The following B4GALT6 variants were observed in gnomAD, a reference collection of about 807,000 sequenced individuals.
The protein encoded by B4GALT6 is UDP-Gal:beta-GlcNAc beta-1,4-galactosyltransferase 6.
B4GALT6 carries 14 observed loss-of-function variants against 46.3 expected under a neutral mutation model. The ratio of observed to expected loss-of-function variants is 0.30; its 90% CI spans 0.20 to 0.47. The LOEUF is 0.47. Ranked by LOEUF, B4GALT6 falls within the 20% of genes least tolerant of loss-of-function variation. The pLI, the probability that B4GALT6 is intolerant of heterozygous loss-of-function variation, is 0.99. For synonymous variants in B4GALT6, 168 were observed against 162.0 expected, an observed-to-expected ratio of 1.04 and a Z score of -0.28; for missense variants, 386 against 480.1, an observed-to-expected ratio of 0.80 and a Z score of 1.83.
rs776811806 is a variant in B4GALT6, at chr18:31,627,088, A to G, written c.810T>C (p.Ser270=). The change falls in exon 7 of 9, where the codon AGT becomes AGC. Residue 270 remains serine, a synonymous_variant. Transcript: ENST00000306851. ...LPYKEFFGGV[S]GLTVEQFRKI... ...TTCTAAATTGTTCCACTGTCAGCCC[A>G]CTTACACCACCAAAAAATTCTTTAT... The G allele has an allele frequency of 6.8e-6, 11 of 1,608,582 alleles. No individual in the cohort carries two copies. The highest frequency in any genetic ancestry group is 9.3e-6 in the Non-Finnish European group (11 of 1,177,912).
intron 3 of B4GALT6, among the ~76,000 whole-genome samples, chr18:31,653,879 G>A (rs1007116224): frequency 6.6e-6 from 1 of 151,890 alleles, no homozygotes; most frequent in African/African-American, 2.4e-5. Flanking sequence ...CACAGCGGCT[G>A]TTCATCAATG....
intron 3 of B4GALT6, among the ~76,000 whole-genome samples, chr18:31,646,853 TAA>T (rs2073996945): frequency 6.6e-6 from 1 of 152,226 alleles, no homozygotes; most frequent in Non-Finnish European, 1.5e-5. Flanking sequence ...CTTCCCAGAA[TAA>T]GTTAGAAAAA....
the B4GALT6 span, among the ~76,000 whole-genome samples, chr18:31,694,186 T>C: frequency 6.6e-6 from 1 of 152,212 alleles, no homozygotes; most frequent in East Asian, 1.9e-4. Flanking sequence ...CAATTATGTT[T>C]CCAATATTCT....
the B4GALT6 span, among the ~76,000 whole-genome samples, chr18:31,698,411 C>G: frequency 3.2e-4 from 49 of 152,110 alleles, no homozygotes; most frequent in Middle Eastern, 6.8e-3. Flanking sequence ...AGGCAGATCA[C>G]TTGAGGTCAG....
At chr18:31,707,370 A>C in the B4GALT6 span, among the ~76,000 whole-genome samples, 2 of 152,010 alleles carry the variant, frequency 1.3e-5, no homozygotes, top group African/African-American at 4.8e-5. Context: ...CCTGTGACCC[A>C]AACAGTGTAT....
At chr18:31,678,115 G>A (rs997733026) in intron 1 of B4GALT6, among the ~76,000 whole-genome samples, 4 of 152,112 alleles carry the variant, frequency 2.6e-5, no homozygotes, top group Non-Finnish European at 4.4e-5. Flanking sequence ...AGGGTGCTGC[G>A]GAGTCTAAGC....
the B4GALT6 span, among the ~76,000 whole-genome samples, chr18:31,720,882 G>A: frequency 6.6e-6 from 1 of 152,186 alleles, no homozygotes; most frequent in Non-Finnish European, 1.5e-5. Flanking sequence ...TTTGGAGACC[G>A]TAGGCACATC....
chr18:31,695,830 G>C, the B4GALT6 span, among the ~76,000 whole-genome samples: 20 of 152,326 alleles, frequency 1.3e-4, no homozygotes, highest in African/African-American at 4.8e-4. Context: ...TTGTAATCCA[G>C]CTGCTCCTCA....
At position 31,684,330 on chromosome 18, in the gene B4GALT6, A is replaced by C; in HGVS notation, c.97T>G (p.Tyr33Asp). 1.2e-6 allele frequency: 2 copies of C among 1,613,698 alleles called. No homozygotes were observed. The highest frequency in any genetic ancestry group is 1.7e-6 in the Non-Finnish European group (2 of 1,179,812). Residue 33 changes from tyrosine to aspartate, a missense_variant, in exon 1 of 9, where the codon TAT (tyrosine) becomes GAT (aspartate). This residue lies in a region of B4GALT6 where 63 missense variants were observed against 41.3 expected (regional missense o/e 1.53). Coordinates refer to ENST00000306851, the MANE Select transcript of B4GALT6 (RefSeq NM_004775.5). ...SLSSSCLYFIYVAPGIANTYL... is the reference protein window; with the variant it reads ...SLSSSCLYFIDVAPGIANTYL... Reference sequence around the variant, plus strand: ...TGCTTACCGATGCCTGGGGCCACATAGATGAAGTACAGACAGGACGAAGAG... The same window carrying C: ...TGCTTACCGATGCCTGGGGCCACATCGATGAAGTACAGACAGGACGAAGAG...
In B4GALT6 at chr18:31,625,161, T is replaced by C. The variant is rs2073672878; in HGVS notation, c.*453A>G. ...GTGATGTAAATTTAGTGAGTTTTTT[T>C]CATGCAAATAAAAAATGTCTATAAA... On this transcript the variant is annotated 3_prime_UTR_variant, in exon 9 of 9. Coordinates refer to ENST00000306851, the MANE Select transcript of B4GALT6 (RefSeq NM_004775.5). 1 of 153,752 alleles carries C rather than the reference T, an allele frequency of 6.5e-6. No homozygotes were observed. The highest frequency in any genetic ancestry group is 2.4e-5 in the African/African-American group (1 of 41,472). The allele number at this position is 153,752 out of a possible 1,614,324, so 9.5% of individuals were successfully genotyped here.
chr18:31,692,349 C>T, the B4GALT6 span, among the ~76,000 whole-genome samples: 3 of 152,250 alleles, frequency 2.0e-5, no homozygotes, highest in South Asian at 2.1e-4. Context: ...TCAAGTTGCT[C>T]GCATTCTCTT....
At chr18:31,706,815 C>T in the B4GALT6 span, among the ~76,000 whole-genome samples, 1 of 152,180 alleles carries the variant, frequency 6.6e-6, no homozygotes, top group South Asian at 2.1e-4. Flanking sequence ...TCAGAAACAG[C>T]AATAGCAGTG....
chr18:31,628,584 G>C (rs1365373106), intron 6 of B4GALT6, among the ~76,000 whole-genome samples: 3 of 152,224 alleles, frequency 2.0e-5, no homozygotes, highest in Non-Finnish European at 4.4e-5. Context: ...AACTCTTGCA[G>C]TGTTTATCTT....
intron 1 of B4GALT6, among the ~76,000 whole-genome samples, chr18:31,673,324 T>C (rs890357481): frequency 2.0e-5 from 3 of 151,880 alleles, no homozygotes; most frequent in African/African-American, 7.3e-5. Context: ...GGATGAGACA[T>C]AACTGTTAAC....
chr18:31,698,719 T>C, the B4GALT6 span, among the ~76,000 whole-genome samples: 12 of 150,416 alleles, frequency 8.0e-5, no homozygotes, highest in African/African-American at 2.9e-4. Context: ...ACTCAGTAAA[T>C]AGCAGAAAGG....
chr18:31,698,828 T>C, the B4GALT6 span, among the ~76,000 whole-genome samples: 1 of 151,948 alleles, frequency 6.6e-6, no homozygotes, highest in African/African-American at 2.4e-5. Flanking sequence ...CCCAGCACTT[T>C]GGGAGGCCAA....
the B4GALT6 span, among the ~76,000 whole-genome samples, chr18:31,708,916 G>A: frequency 6.6e-6 from 1 of 152,210 alleles, no homozygotes; most frequent in Non-Finnish European, 1.5e-5. Context: ...AAACAGGAAT[G>A]CCAATTTTCA....
intron 1 of B4GALT6, among the ~76,000 whole-genome samples, chr18:31,678,418 T>C (rs1213843378): frequency 1.3e-5 from 2 of 152,136 alleles, no homozygotes; most frequent in African/African-American, 2.4e-5. Flanking sequence ...AAAAATTTCA[T>C]CGCTCGTCTA....
At position 31,622,491 on chromosome 18, in the gene B4GALT6, A is replaced by T. The variant is rs1341171037; in HGVS notation, c.*3123T>A. On this transcript the variant is annotated 3_prime_UTR_variant, in exon 9 of 9. Transcript: ENST00000306851. ...AAATACAAGACAATAAATCTACAAC[A>T]GTATGTATTTGAAAAACACATAAAG... 1 of 152,080 alleles carries T rather than the reference A, an allele frequency of 6.6e-6. No individual in the cohort carries two copies. Among genetic ancestry groups the T allele is most frequent in the East Asian group, 1.9e-4 (1 of 5,204 alleles). 9.4% of individuals were successfully genotyped at this position (152,080 alleles called of 1,614,324 possible).
Sources: gnomAD v4.1 joint callset for allele counts (sites outside exome capture counted in the v4.1 genomes callset) on GRCh38, gnomAD v4.1.1 for gene constraint, gnomAD v4.1.1 regional missense constraint, MANE v1.5 for transcripts, NCBI Gene and HGNC (gene_info 2026-07-23, HGNC 2026-07-21) for gene names.